Variants in OR1J2 observed in about 807,000 individuals in gnomAD.
OR1J2 encodes olfactory receptor 1J2.
For synonymous variants in OR1J2, 142 were observed against 99.7 expected (o/e 1.42, Z -2.52); for missense variants, 304 against 246.1 (o/e 1.24, Z -1.57).
the OR1J2 span, among the ~76,000 whole-genome samples, chr9:122,485,398 T>C: frequency 2.0e-5 from 3 of 152,228 alleles, no homozygotes; most frequent in Non-Finnish European, 4.4e-5. Flanking sequence ...CACATCTTCA[T>C]AGATTGTAGA....
At chr9:122,506,727 GAC>G (rs766100763), upstream of OR1J2, among the ~76,000 whole-genome samples, 5 of 152,062 alleles carry the variant, frequency 3.3e-5, no homozygotes, top group Non-Finnish European at 7.4e-5. Flanking sequence ...AATGTAAAAA[GAC>G]ACACACAGAG....
the OR1J2 span, among the ~76,000 whole-genome samples, chr9:122,562,117 G>A: frequency 6.6e-6 from 1 of 152,212 alleles, no homozygotes; most frequent in African/African-American, 2.4e-5. Flanking sequence ...CACTCTGGCT[G>A]CAGTCTGCCA....
chr9:122,453,282 A>G, the OR1J2 span, among the ~76,000 whole-genome samples: 1 of 152,212 alleles, frequency 6.6e-6, no homozygotes, highest in Non-Finnish European at 1.5e-5. Flanking sequence ...AGAATGGCCT[A>G]GCACATTGCT....
At chr9:122,541,800 A>G in the OR1J2 span, among the ~76,000 whole-genome samples, 1 of 152,256 alleles carries the variant, frequency 6.6e-6, no homozygotes, top group African/African-American at 2.4e-5. Flanking sequence ...AGACAGCTCC[A>G]TCTACAAGCA....
the OR1J2 span, chr9:122,476,820 C>T: frequency 1.7e-6 from 1 of 578,176 alleles, no homozygotes; most frequent in Non-Finnish European, 3.1e-6. Flanking sequence ...ATTCTTCTGC[C>T]TCAGTCTCCC....
chr9:122,574,432 A>G, the OR1J2 span, among the ~76,000 whole-genome samples: 1 of 151,994 alleles, frequency 6.6e-6, no homozygotes, highest in African/African-American at 2.4e-5. Flanking sequence ...TTATGCCACT[A>G]TTTTATTTTG....
the OR1J2 span, among the ~76,000 whole-genome samples, chr9:122,564,763 C>T: frequency 6.6e-6 from 1 of 152,192 alleles, no homozygotes; most frequent in Non-Finnish European, 1.5e-5. Flanking sequence ...TTTTCTCCAT[C>T]CCTGTCTGTA....
the OR1J2 span, among the ~76,000 whole-genome samples, chr9:122,470,512 G>A: frequency 6.6e-6 from 1 of 152,226 alleles, no homozygotes; most frequent in African/African-American, 2.4e-5. Flanking sequence ...CAGGGTGCAA[G>A]GGAAATGTGG....
At chr9:122,576,388 ATTT>A in the OR1J2 span, among the ~76,000 whole-genome samples, 4,912 of 138,592 alleles carry the variant, frequency 0.035, 181 homozygotes, top group African/African-American at 0.092. Flanking sequence ...CGCCCAGCTA[ATTT>A]TTTTTTTTTT....
chr9:122,553,619 C>A, the OR1J2 span: 1 of 1,614,004 alleles, frequency 6.2e-7, no homozygotes, highest in Non-Finnish European at 8.5e-7. Flanking sequence ...TCCATTACAG[C>A]ACATCTATGA....
At chr9:122,472,070 G>C in the OR1J2 span, among the ~76,000 whole-genome samples, 1 of 152,114 alleles carries the variant, frequency 6.6e-6, no homozygotes, top group East Asian at 1.9e-4. Context: ...ATCCAATCCT[G>C]GGAACGCAGG....
chr9:122,485,398 T>A, the OR1J2 span, among the ~76,000 whole-genome samples: 13 of 152,228 alleles, frequency 8.5e-5, no homozygotes, highest in Admixed American at 7.9e-4. Flanking sequence ...CACATCTTCA[T>A]AGATTGTAGA....
the OR1J2 span, among the ~76,000 whole-genome samples, chr9:122,457,914 TTTG>T: frequency 6.6e-6 from 1 of 152,218 alleles, no homozygotes; most frequent in Non-Finnish European, 1.5e-5. Context: ...TCCTGTAATT[TTTG>T]TTGTTTTCAT....
chr9:122,532,802 G>A, the OR1J2 span, among the ~76,000 whole-genome samples: 1 of 152,126 alleles, frequency 6.6e-6, no homozygotes, highest in African/African-American at 2.4e-5. Context: ...TGCGGTCCCG[G>A]CTCTTTTGTA....
downstream of OR1J2, among the ~76,000 whole-genome samples, chr9:122,516,670 T>G (rs997015474): frequency 2.6e-5 from 4 of 152,146 alleles, no homozygotes; most frequent in Non-Finnish European, 5.9e-5. Context: ...TTCAGGGGGC[T>G]TTATCAAAAT....
the OR1J2 span, among the ~76,000 whole-genome samples, chr9:122,455,824 C>G: frequency 2.0e-5 from 3 of 151,908 alleles, no homozygotes; most frequent in Admixed American, 6.6e-5. Flanking sequence ...AAATTTTATA[C>G]TTTTAGCTCT....
chr9:122,489,731 C>T, the OR1J2 span, among the ~76,000 whole-genome samples: 6 of 152,138 alleles, frequency 3.9e-5, no homozygotes, highest in South Asian at 1.0e-3. Context: ...TTTGTGTCCA[C>T]GTTCAATTGA....
At chr9:122,448,409 A>C in the OR1J2 span, among the ~76,000 whole-genome samples, 1 of 152,140 alleles carries the variant, frequency 6.6e-6, no homozygotes, top group Admixed American at 6.5e-5. Flanking sequence ...ATACTGAGAC[A>C]TTCAGTTCCC....
At chr9:122,491,559 A>G in the OR1J2 span, among the ~76,000 whole-genome samples, 7 of 152,284 alleles carry the variant, frequency 4.6e-5, no homozygotes, top group African/African-American at 1.2e-4. Context: ...AAAGACATCA[A>G]ATAACAACCA....
Sources: gnomAD v4.1 joint callset for allele counts (sites outside exome capture counted in the v4.1 genomes callset) on GRCh38, gnomAD v4.1.1 for gene constraint, MANE v1.5 for transcripts, NCBI Gene and HGNC (gene_info 2026-07-23, HGNC 2026-07-21) for gene names.